RASIP1: variants seen among roughly 807,000 people sequenced by gnomAD.
The protein encoded by RASIP1 is ras-interacting protein 1.
Under a neutral mutation model 85.3 loss-of-function variants are expected in RASIP1, and 20 were observed. The ratio of observed to expected loss-of-function variants is 0.23; its 90% CI spans 0.17 to 0.34. RASIP1 has a LOEUF of 0.34. RASIP1 is among the 10% of genes least tolerant of loss of function. The pLI is 1.00. For missense variants in RASIP1, 1,170 were observed against 1,390.9 expected (o/e 0.84, Z 2.53); for synonymous variants, 617 against 647.1 (o/e 0.95, Z 0.71).
At chr19:48,730,130 A>G (rs777579631) in intron 4 of RASIP1, among the ~76,000 whole-genome samples, 10 of 151,780 alleles carry the variant, frequency 6.6e-5, no homozygotes, top group Admixed American at 5.9e-4. Context: ...GGATGGTCCC[A>G]TAACACCCAT....
chr19:48,727,197 C>A, intron 6 of RASIP1, 39 bp from the exon 7 acceptor site: 1 of 1,610,798 alleles, frequency 6.2e-7, no homozygotes, highest in Non-Finnish European at 8.5e-7. Flanking sequence ...CCTGCCCAAC[C>A]CTCATCATAG....
chr19:48,738,253 T>C lies in RASIP1; in HGVS notation c.823+707A>G, dbSNP rs141677766. 8.3e-3 allele frequency among the ~76,000 whole-genome samples: 1,258 copies of C among 152,260 alleles called. 23 individuals are homozygous for C. The highest frequency in any genetic ancestry group is 0.029 in the African/African-American group (1,188 of 41,554). Reference sequence around the variant, plus strand: ...AGCCACCACGCCCGGCCAGGACTAGTTCTTTAATTCAAAAAGACCCTTGTC... The same window carrying C: ...AGCCACCACGCCCGGCCAGGACTAGCTCTTTAATTCAAAAAGACCCTTGTC... On this transcript the variant is annotated intron_variant, in intron 3 of 11. Coordinates refer to ENST00000222145, the MANE Select transcript of RASIP1 (RefSeq NM_017805.3). The surrounding 1 kb of genome is among the most constrained non-coding windows in gnomAD (Gnocchi z 4.0).
intron 4 of RASIP1, among the ~76,000 whole-genome samples, chr19:48,730,067 T>C (rs1489653983): frequency 6.6e-6 from 1 of 152,050 alleles, no homozygotes; most frequent in Non-Finnish European, 1.5e-5. Context: ...CAAAGGACTC[T>C]CTAAGCACCC....
intron 4 of RASIP1, among the ~76,000 whole-genome samples, chr19:48,733,961 T>C (rs1034533297): frequency 6.6e-6 from 1 of 152,038 alleles, no homozygotes; most frequent in African/African-American, 2.4e-5. Flanking sequence ...AAGAAATAGA[T>C]ATTTCCAAGG....
rs2033614443 is a variant in RASIP1 at position 48,738,754 on chromosome 19, C to T, written c.823+206G>A. Reference sequence around the variant, plus strand: ...CTCAATCAACAAGCCCCACCCAACTCTCAGGCCCGCCCATCTGGCCGCCCC... The same window carrying T: ...CTCAATCAACAAGCCCCACCCAACTTTCAGGCCCGCCCATCTGGCCGCCCC... On this transcript the variant is annotated intron_variant, in intron 3 of 11. Transcript: ENST00000222145. This position sits in a 1 kb window ranked among gnomAD's most constrained non-coding sequence, Gnocchi z 4.0. 1.8e-6 allele frequency: 1 copy of T among 549,844 alleles called. No individual in the cohort carries two copies. The highest frequency in any genetic ancestry group is 4.4e-5 in the East Asian group (1 of 22,544). The allele number at this position is 549,844 out of a possible 1,614,324, so 34.1% of individuals were successfully genotyped here.
chr19:48,722,423 T>G (rs1047737054), intron 10 of RASIP1, among the ~76,000 whole-genome samples: 1 of 150,092 alleles, frequency 6.7e-6, no homozygotes, highest in Non-Finnish European at 1.5e-5. Context: ...CAAGTGATCC[T>G]GGGCTCAAGT....
At chr19:48,721,134 C>G in intron 11 of RASIP1, 137 bp from the exon 12 acceptor site, 1 of 694,346 alleles carries the variant, frequency 1.4e-6, no homozygotes, top group Non-Finnish European at 2.3e-6. Context: ...GGGGTCCGTT[C>G]ACACGCTACT....
intron 11 of RASIP1, among the ~76,000 whole-genome samples, chr19:48,721,648 A>G (rs1453570977): frequency 2.0e-5 from 3 of 152,170 alleles, no homozygotes; most frequent in Non-Finnish European, 4.4e-5. Flanking sequence ...CTAAAGATAC[A>G]AAAAATTAGC....
chr19:48,738,774 C>T lies in RASIP1; in HGVS notation c.823+186G>A. The T allele has an allele frequency of 1.3e-6, 1 of 758,298 alleles. No individual in the cohort carries two copies. Among genetic ancestry groups the T allele is most frequent in the Non-Finnish European group, 1.7e-6 (1 of 571,668 alleles). 47.0% of individuals were successfully genotyped at this position (758,298 alleles called of 1,614,324 possible). ...CAACTCTCAGGCCCGCCCATCTGGC[C>T]GCCCCCGGCCCTGCTCTAGCTCTGC... On this transcript the variant is annotated intron_variant, in intron 3 of 11. Coordinates refer to ENST00000222145, the MANE Select transcript of RASIP1 (RefSeq NM_017805.3). The surrounding 1 kb of genome is among the most constrained non-coding windows in gnomAD (Gnocchi z 4.0).
At position 48,738,890 on chromosome 19, in the gene RASIP1, CAG is replaced by C; in HGVS notation, c.823+68_823+69del. On this transcript the variant is annotated intron_variant, in intron 3 of 11. Transcript: ENST00000222145. The surrounding 1 kb of genome is among the most constrained non-coding windows in gnomAD (Gnocchi z 4.0). ...GCCCGCGAGTCCCACAAGCCCCGCC[CAG>C]GCCCCGCCCCACGGACCCCGCCTCT... 1 of 1,134,886 alleles carries C rather than the reference CAG, an allele frequency of 8.8e-7. No individual in the cohort carries two copies. The highest frequency in any genetic ancestry group is 1.1e-6 in the Non-Finnish European group (1 of 915,204). The allele number at this position is 1,134,886 out of a possible 1,614,324, so 70.3% of individuals were successfully genotyped here. A position where few individuals can be genotyped will look rare whatever the true frequency, so the allele number is the denominator to read the frequency against.
chr19:48,728,298 A>C (rs988718468), intron 5 of RASIP1, among the ~76,000 whole-genome samples: 3 of 152,078 alleles, frequency 2.0e-5, no homozygotes, highest in African/African-American at 7.2e-5. Flanking sequence ...GAATTCTCAC[A>C]CTGATCTCTG....
At chr19:48,734,673 T>G (rs391381) in intron 4 of RASIP1, among the ~76,000 whole-genome samples, 140,180 of 152,018 alleles carry the variant, frequency 0.92, 64,790 homozygotes, top group Middle Eastern at 0.98. Flanking sequence ...TTTTAGTACA[T>G]ACAGGGTTTC....
At chr19:48,734,357 T>G (rs895477469) in intron 4 of RASIP1, among the ~76,000 whole-genome samples, 8 of 151,720 alleles carry the variant, frequency 5.3e-5, no homozygotes, top group African/African-American at 1.9e-4. Context: ...TCACCCAGGC[T>G]GGTGATGGTA....
In RASIP1 at chr19:48,739,549, G is replaced by A. The variant is rs993750133; in HGVS notation, c.234C>T (p.Ala78=). 74 of 1,513,712 alleles carry A rather than the reference G, an allele frequency of 4.9e-5. No individual in the cohort carries two copies. Among genetic ancestry groups the A allele is most frequent in the Non-Finnish European group, 6.2e-5 (70 of 1,135,482 alleles). The allele number at this position is 1,513,712 out of a possible 1,614,324, so 93.8% of individuals were successfully genotyped here. The part of the protein sequence containing the change: ...ELRRVGAVKA[A]GGASGSRAKR... ...TGGCGCGGCTACCGGAGGCTCCCCCGGCCGCCTTGACAGCGCCCACTCGCC... is the reference window on the plus strand; with the variant it reads ...TGGCGCGGCTACCGGAGGCTCCCCCAGCCGCCTTGACAGCGCCCACTCGCC... The change falls in exon 3 of 12, where the codon GCC becomes GCT. Residue 78 remains alanine, a synonymous_variant. Coordinates refer to ENST00000222145, the MANE Select transcript of RASIP1 (RefSeq NM_017805.3). The surrounding 1 kb of genome is among the most constrained non-coding windows in gnomAD (Gnocchi z 9.2).
Position 48,738,936 on chromosome 19 carries a change from C to A in RASIP1, c.823+24G>T. 1 of 1,209,414 alleles carries A rather than the reference C, an allele frequency of 8.3e-7. No homozygotes were observed. Among genetic ancestry groups the A allele is most frequent in the South Asian group, 4.0e-5 (1 of 25,024 alleles). 74.9% of individuals were successfully genotyped at this position (1,209,414 alleles called of 1,614,324 possible). A position where few individuals can be genotyped will look rare whatever the true frequency, so the allele number is the denominator to read the frequency against. ...CGCCTCTCTGGCACCGAGTCCCCGC[C>A]CCAGAGCCCCGCCCGCCGCTCACCT... On this transcript the variant is annotated intron_variant, in intron 3 of 11. Transcript: ENST00000222145. The surrounding 1 kb of genome is among the most constrained non-coding windows in gnomAD (Gnocchi z 4.0).
intron 10 of RASIP1, among the ~76,000 whole-genome samples, chr19:48,722,298 G>C (rs960342100): frequency 4.8e-5 from 7 of 147,136 alleles, no homozygotes; most frequent in Non-Finnish European, 1.0e-4. Flanking sequence ...TGGTACTTGG[G>C]GATTTTTTTT....
chr19:48,722,300 ATT>A (rs71179038), intron 10 of RASIP1, among the ~76,000 whole-genome samples: 4,255 of 98,210 alleles, frequency 0.043, 75 homozygotes, highest in African/African-American at 0.16. Flanking sequence ...GTACTTGGGG[ATT>A]TTTTTTTTTT....
At position 48,738,877 on chromosome 19, in the gene RASIP1, C is replaced by A; in HGVS notation, c.823+83G>T. ...CCGCCCCCAGCCAGCCCGCGAGTCC[C>A]ACAAGCCCCGCCCAGGCCCCGCCCC... On this transcript the variant is annotated intron_variant, in intron 3 of 11. Transcript: ENST00000222145. This position sits in a 1 kb window ranked among gnomAD's most constrained non-coding sequence, Gnocchi z 4.0. The A allele has an allele frequency of 2.7e-6, 3 of 1,107,282 alleles. No homozygotes were observed. Among genetic ancestry groups the A allele is most frequent in the Non-Finnish European group, 3.4e-6 (3 of 895,224 alleles). The allele number at this position is 1,107,282 out of a possible 1,614,324, so 68.6% of individuals were successfully genotyped here.
In RASIP1 at chr19:48,739,353, G is replaced by A. The variant is rs1360835896; in HGVS notation, c.430C>T (p.Pro144Ser). The A allele has an allele frequency of 4.5e-6, 6 of 1,346,302 alleles. No homozygotes were observed. In the African/African-American group the frequency reaches 6.2e-5, roughly 14 times the overall value. The allele number at this position is 1,346,302 out of a possible 1,614,324, so 83.4% of individuals were successfully genotyped here. ...CCGAAGATCTTGAGGACCCCCGGAG[G>A]CGCCGTGGCGCGGGTAGCCAGCGGG... ...EPPLATRATA[P>S]PGVLKIFGAG... Residue 144 changes from proline to serine, a missense_variant, in exon 3 of 12, where the codon CCT becomes TCT. Transcript: ENST00000222145. This position sits in a 1 kb window ranked among gnomAD's most constrained non-coding sequence, Gnocchi z 9.2.
Sources: allele counts gnomAD v4.1 joint callset (sites outside exome capture counted in the v4.1 genomes callset), GRCh38; gene constraint gnomAD v4.1.1; non-coding constraint Gnocchi (gnomAD v3.1); transcripts MANE v1.5; gene names NCBI Gene and HGNC (gene_info 2026-07-23, HGNC 2026-07-21).